LRRC37B: variants seen among roughly 807,000 people sequenced by gnomAD.
The protein encoded by LRRC37B is leucine rich repeat containing 37B, also known as leucine-rich repeat-containing protein 37B.
A neutral mutation model predicts 98.3 loss-of-function variants in LRRC37B; 28 were observed. The observed-to-expected ratio is 0.28, with a 90% CI of 0.21 to 0.39. The LOEUF (loss-of-function observed/expected upper bound fraction) is 0.39. Among genes scored for constraint, LRRC37B ranks in the 10% least tolerant of loss-of-function variants. The pLI is 1.00. For missense variants in LRRC37B, 938 were observed against 1,182.7 expected (o/e 0.79, Z 3.03); for synonymous variants, 364 against 442.7 (o/e 0.82, Z 2.23).
chr17:32,049,605 G>A (rs1343530824), intron 10 of LRRC37B, among the ~76,000 whole-genome samples: 1 of 152,162 alleles, frequency 6.6e-6, no homozygotes, highest in Non-Finnish European at 1.5e-5. Flanking sequence ...GGTAGCTCAT[G>A]CCTGTAATCC....
chr17:32,021,598 G>A lies in LRRC37B; in HGVS notation c.533G>A (p.Arg178His), dbSNP rs747678616. 26 of 1,614,058 alleles carry A rather than the reference G, an allele frequency of 1.6e-5. No individual in the cohort carries two copies. The highest frequency in any genetic ancestry group is 1.4e-4 in the South Asian group (13 of 91,082). ...AACCAGGCCCTAGTTCAGCTTCCTC[G>A]CCTCAAGTGGGTTCAAACTACAGAT... Residue 178 changes from arginine to histidine, a missense_variant, in exon 1 of 12, where the codon CGC becomes CAC. By Grantham distance (29) the Arg-to-His change is conservative (BLOSUM62 0). Transcript: ENST00000327564.
intron 1 of LRRC37B, 25 bp from the exon 5 acceptor site, chr17:32,024,686 G>A: frequency 6.2e-7 from 1 of 1,606,632 alleles, no homozygotes; most frequent in Non-Finnish European, 8.5e-7. Context: ...GCCTATTCAA[G>A]GATATAAACT....
At chr17:32,019,803 A>G (rs1158165616), upstream of LRRC37B, among the ~76,000 whole-genome samples, 1 of 152,230 alleles carries the variant, frequency 6.6e-6, no homozygotes, top group Non-Finnish European at 1.5e-5. Context: ...AAATCTGATT[A>G]TAACAATAGA....
intron 6 of LRRC37B, 76 bp from the exon 10 acceptor site, chr17:32,035,489 T>G: frequency 6.9e-7 from 1 of 1,448,668 alleles, no homozygotes; most frequent in Non-Finnish European, 9.6e-7. Context: ...AGTAATCACA[T>G]GTCCTTGAAT....
chr17:32,022,004 G>A (rs765689331), exon 1 of LRRC37B: 34 of 1,613,886 alleles, frequency 2.1e-5, no homozygotes, highest in East Asian at 8.9e-5. Flanking sequence ...AAGCCCCAGC[G>A]CAGCTTCTAC....
At chr17:32,021,545 G>C in exon 1 of LRRC37B, 1 of 1,614,074 alleles carries the variant, frequency 6.2e-7, no homozygotes, top group Non-Finnish European at 8.5e-7. Flanking sequence ...GGCTCCCAGA[G>C]GTGGTTCCGC....
At chr17:32,047,765 A>G (rs776501084) in exon 9 of LRRC37B, 29 of 1,613,900 alleles carry the variant, frequency 1.8e-5, no homozygotes, top group Non-Finnish European at 2.4e-5. Context: ...TGACAGCTGA[A>G]GAAGCATCTG....
At chr17:32,021,939 A>C (rs1910805411) in exon 1 of LRRC37B, 1 of 1,614,102 alleles carries the variant, frequency 6.2e-7, no homozygotes, top group African/African-American at 1.3e-5. Context: ...TCTAGAGCCC[A>C]AAAGTCAAAA....
rs554742084 is a variant in LRRC37B, at chr17:32,031,408, G to A, written c.2007G>A (p.Leu669=). The change falls in exon 5 of 12, where the codon CTG becomes CTA. Residue 669 remains leucine (L), a synonymous_variant. Coordinates refer to ENST00000327564, the Ensembl canonical transcript of LRRC37B. Reference sequence around the variant, plus strand: ...TGGGCTGCAATTTAATTACAAAACTGAGCCTTGGAACATTTCAGGCCTGGC... The same window carrying A: ...TGGGCTGCAATTTAATTACAAAACTAAGCCTTGGAACATTTCAGGCCTGGC... The A allele has an allele frequency of 9.9e-6, 16 of 1,610,602 alleles. No homozygotes were observed. The East Asian group carries it at 3.6e-4, about 36-fold the overall frequency.
intron 8 of LRRC37B, chr17:32,047,230 A>G (rs1304986736): frequency 2.3e-5 from 4 of 172,208 alleles, no homozygotes; most frequent in East Asian, 2.9e-4. Flanking sequence ...ATGAGGATCT[A>G]TCAGCAATGG....
At chr17:32,039,382 C>T (rs1274637477) in intron 7 of LRRC37B, among the ~76,000 whole-genome samples, 4 of 146,774 alleles carry the variant, frequency 2.7e-5, no homozygotes, top group Admixed American at 6.9e-5. Context: ...GAGGCTGAGG[C>T]GGGGGTATCG....
At position 32,035,156 on chromosome 17, in the gene LRRC37B, ACAGC is replaced by A. The variant is rs140286440; in HGVS notation, c.2129+180_2129+183del. On this transcript the variant is annotated intron_variant, in intron 6 of 11. Coordinates refer to ENST00000327564, the Ensembl canonical transcript of LRRC37B. ...TAAGAAAGGATGTATAATGGTCAAG[ACAGC>A]CAGCGGGGGAAGAGATTAGTGTTGA... Among the ~76,000 whole-genome samples, 1,095 of 152,362 alleles carry A rather than the reference ACAGC, an allele frequency of 7.2e-3. 11 individuals are homozygous for A. Among genetic ancestry groups the A allele is most frequent in the African/African-American group, 0.025 (1,045 of 41,588 alleles).
intron 11 of LRRC37B, chr17:32,052,728 A>C (rs1911792883): frequency 6.6e-6 from 1 of 152,380 alleles, no homozygotes; most frequent in South Asian, 2.1e-4. Context: ...TTGTAATCCC[A>C]ACACTTTGGG....
At chr17:32,020,939 C>T (rs1297775742), upstream of LRRC37B, 15 of 1,451,174 alleles carry the variant, frequency 1.0e-5, no homozygotes, top group South Asian at 1.5e-5. Flanking sequence ...AGGGGTGTTC[C>T]GGCCTGGCGG....
chr17:32,032,955 G>C (rs1375002929), intron 5 of LRRC37B, among the ~76,000 whole-genome samples: 1 of 152,174 alleles, frequency 6.6e-6, no homozygotes, highest in Non-Finnish European at 1.5e-5. Flanking sequence ...CCTGAAGTCA[G>C]GAGTTCGAGA....
upstream of LRRC37B, among the ~76,000 whole-genome samples, chr17:32,018,264 T>TCCA: frequency 6.6e-6 from 1 of 151,852 alleles, no homozygotes; most frequent in Non-Finnish European, 1.5e-5. Context: ...GAGGTGGAGG[T>TCCA]TGTGGTGAGC....
chr17:32,051,474 C>T (rs941056147), intron 11 of LRRC37B: 2 of 143,236 alleles, frequency 1.4e-5, no homozygotes, highest in Non-Finnish European at 3.0e-5. Flanking sequence ...GAGCGAGACT[C>T]TGCCTCAAAA....
intron 7 of LRRC37B, among the ~76,000 whole-genome samples, chr17:32,039,201 T>A: frequency 6.6e-6 from 1 of 151,724 alleles, no homozygotes; most frequent in Non-Finnish European, 1.5e-5. Flanking sequence ...GGTTTCGAAC[T>A]CCTGGCCTCA....
chr17:32,042,943 G>T (rs1911486020), intron 7 of LRRC37B: 1 of 151,984 alleles, frequency 6.6e-6, no homozygotes, highest in Non-Finnish European at 1.5e-5. Flanking sequence ...TGTGTATATG[G>T]AATGCATAGT....
Sources: gnomAD v4.1 joint callset for allele counts (sites outside exome capture counted in the v4.1 genomes callset) on GRCh38, gnomAD v4.1.1 for gene constraint, MANE v1.5 for transcripts, NCBI Gene and HGNC (gene_info 2026-07-23, HGNC 2026-07-21) for gene names.